The following NELL1 variants were observed in gnomAD, a reference collection of about 807,000 sequenced individuals.
NELL1 encodes protein kinase C-binding protein NELL1.
NELL1 carries 76 observed loss-of-function variants against 107.4 expected under a neutral mutation model. The observed-to-expected ratio is 0.71, with a 90% CI of 0.59 to 0.86. NELL1 has a LOEUF of 0.86. NELL1 is among the 40% of genes least tolerant of loss of function. The probability of loss-of-function intolerance (pLI) is 0.00; values close to 1 mark genes in which losing one functional copy is unlikely to be tolerated. For missense variants in NELL1, 1,024 were observed against 1,005.5 expected, an observed-to-expected ratio of 1.02 and a Z score of -0.25; for synonymous variants, 353 against 341.2, an observed-to-expected ratio of 1.03 and a Z score of -0.38.
intron 15 of NELL1, among the ~76,000 whole-genome samples, chr11:21,407,437 A>G (rs1852263127): frequency 6.6e-6 from 1 of 151,958 alleles, no homozygotes; most frequent in Admixed American, 6.6e-5. Flanking sequence ...AAACAAAAAG[A>G]AATATTATCT....
intron 2 of NELL1, among the ~76,000 whole-genome samples, chr11:20,758,915 G>A (rs1358425450): frequency 6.6e-6 from 1 of 152,126 alleles, no homozygotes; most frequent in Admixed American, 6.5e-5. Context: ...TAGGTAATAA[G>A]TACTTAAAAA....
chr11:21,216,742 A>G (rs1857622406), intron 13 of NELL1, among the ~76,000 whole-genome samples: 1 of 152,162 alleles, frequency 6.6e-6, no homozygotes, highest in Non-Finnish European at 1.5e-5. Context: ...CCCCCATTGT[A>G]TCTAAGAAAT....
intron 12 of NELL1, among the ~76,000 whole-genome samples, chr11:21,019,052 A>T (rs1852636613): frequency 6.6e-6 from 1 of 151,990 alleles, no homozygotes; most frequent in African/African-American, 2.4e-5. Flanking sequence ...TGGCAGGGAG[A>T]TATAATAGAG....
intron 15 of NELL1, among the ~76,000 whole-genome samples, chr11:21,392,719 T>A (rs1851905856): frequency 6.6e-6 from 1 of 151,760 alleles, no homozygotes; most frequent in Non-Finnish European, 1.5e-5. Flanking sequence ...TCATATGATA[T>A]AAAATGTCAT....
intron 13 of NELL1, among the ~76,000 whole-genome samples, chr11:21,175,878 T>C (rs959943222): frequency 6.6e-6 from 1 of 151,898 alleles, no homozygotes; most frequent in Non-Finnish European, 1.5e-5. Flanking sequence ...TGCCTTACAA[T>C]GTGGGCATTT....
At chr11:21,452,809 T>C (rs1853621399) in intron 15 of NELL1, among the ~76,000 whole-genome samples, 1 of 151,962 alleles carries the variant, frequency 6.6e-6, no homozygotes, top group Non-Finnish European at 1.5e-5. Context: ...TACTATAAAT[T>C]ACCTTTTAAT....
At chr11:20,808,114 G>T (rs1857422914) in intron 3 of NELL1, among the ~76,000 whole-genome samples, 1 of 152,174 alleles carries the variant, frequency 6.6e-6, no homozygotes, top group Non-Finnish European at 1.5e-5. Context: ...TTCTCAAGTA[G>T]TAGGAGTCTC....
chr11:20,996,049 T>A (rs922935386), intron 12 of NELL1, among the ~76,000 whole-genome samples: 8 of 152,218 alleles, frequency 5.3e-5, no homozygotes, highest in African/African-American at 1.9e-4. Flanking sequence ...AGGGTTGAAA[T>A]TATTACCCTG....
At chr11:21,342,256 A>G (rs1259891356) in intron 14 of NELL1, among the ~76,000 whole-genome samples, 6 of 152,212 alleles carry the variant, frequency 3.9e-5, no homozygotes, top group Non-Finnish European at 7.3e-5. Context: ...CAGGCTCCCT[A>G]CTAAGCACTT....
intron 10 of NELL1, among the ~76,000 whole-genome samples, chr11:20,945,834 C>T (rs1215593974): frequency 6.6e-6 from 1 of 152,084 alleles, no homozygotes; most frequent in African/African-American, 2.4e-5. Context: ...AAATGAAGTG[C>T]AGTTGCAAAG....
At chr11:21,108,699 C>A (rs549005168) in intron 12 of NELL1, among the ~76,000 whole-genome samples, 1 of 152,234 alleles carries the variant, frequency 6.6e-6, no homozygotes, top group Admixed American at 6.5e-5. Flanking sequence ...TGAGTTCCAG[C>A]TGGGAGCAAA....
intron 13 of NELL1, among the ~76,000 whole-genome samples, chr11:21,151,686 G>T (rs952561843): frequency 2.0e-5 from 3 of 152,174 alleles, no homozygotes; most frequent in Non-Finnish European, 4.4e-5. Flanking sequence ...TCCTAGCATA[G>T]AGTAAGCTCT....
At chr11:21,288,104 GAGGA>G (rs1174161435) in intron 14 of NELL1, among the ~76,000 whole-genome samples, 15 of 151,124 alleles carry the variant, frequency 9.9e-5, no homozygotes, top group Admixed American at 6.6e-4. Flanking sequence ...GGGAAGGAAA[GAGGA>G]AGGAAGGAAG....
intron 14 of NELL1, among the ~76,000 whole-genome samples, chr11:21,364,640 A>G (rs1238697209): frequency 6.6e-6 from 1 of 152,150 alleles, no homozygotes; most frequent in Non-Finnish European, 1.5e-5. Flanking sequence ...GTTTCTGTTT[A>G]TATGTGCATA....
chr11:21,513,428 T>A (rs57431172), intron 15 of NELL1, among the ~76,000 whole-genome samples: 2,206 of 152,224 alleles, frequency 0.014, 67 homozygotes, highest in African/African-American at 0.051. Context: ...TGGCTTGATA[T>A]CAGAAAAAAA....
chr11:21,148,437 G>A (rs16907540), intron 13 of NELL1, among the ~76,000 whole-genome samples: 1,706 of 152,282 alleles, frequency 0.011, 32 homozygotes, highest in African/African-American at 0.039. Context: ...GGAAAAGCAT[G>A]TGTTCCTTCA....
chr11:20,978,511 C>T (rs1439545988), intron 12 of NELL1, among the ~76,000 whole-genome samples: 1 of 152,072 alleles, frequency 6.6e-6, no homozygotes, highest in Non-Finnish European at 1.5e-5. Flanking sequence ...TATATTTACT[C>T]TCTTTATGGG....
chr11:21,151,395 G>C (rs1299879733), intron 13 of NELL1, among the ~76,000 whole-genome samples: 1 of 152,092 alleles, frequency 6.6e-6, no homozygotes, highest in African/African-American at 2.4e-5. Context: ...TTACAAATAG[G>C]TGTGTGCATG....
At chr11:20,677,055 A>G (rs1854076241) in intron 1 of NELL1, among the ~76,000 whole-genome samples, 1 of 152,182 alleles carries the variant, frequency 6.6e-6, no homozygotes, top group Admixed American at 6.5e-5. Flanking sequence ...GTCTTTCTCA[A>G]ACAAGGGAAG....
Sources: gnomAD v4.1 joint callset for allele counts (sites outside exome capture counted in the v4.1 genomes callset) on GRCh38, gnomAD v4.1.1 for gene constraint, MANE v1.5 for transcripts, NCBI Gene and HGNC (gene_info 2026-07-23, HGNC 2026-07-21) for gene names.